Variants in OTUD3 observed in about 807,000 individuals in gnomAD.
The protein encoded by OTUD3 is OTU domain-containing protein 3.
OTUD3 carries 24 observed loss-of-function variants against 46.2 expected under a neutral mutation model. The ratio of observed to expected loss-of-function variants is 0.52; its 90% CI spans 0.38 to 0.73. The LOEUF (loss-of-function observed/expected upper bound fraction) is 0.73, where lower values mean the gene tolerates loss of function less well. OTUD3 is among the 30% of genes least tolerant of loss of function. The pLI is 0.00. For missense variants in OTUD3, 455 were observed against 523.3 expected (o/e 0.87, Z 1.27); for synonymous variants, 189 against 195.4 (o/e 0.97, Z 0.27).
intron 4 of OTUD3, 179 bp downstream of exon 4, chr1:19,897,841 T>G (rs758951347): frequency 9.6e-6 from 5 of 518,370 alleles, no homozygotes; most frequent in Non-Finnish European, 1.6e-5. Flanking sequence ...TAGATAAAAT[T>G]GCTTATTATT....
intron 4 of OTUD3, among the ~76,000 whole-genome samples, chr1:19,903,040 C>CTTTTTTTTTTTTTTTTTTTTTTTTTT (rs36114504): frequency 3.4e-5 from 2 of 58,050 alleles, no homozygotes; most frequent in Non-Finnish European, 6.2e-5. Context: ...AATCTTTTCT[C>CTTTTTTTTTTTTTTTTTTTTTTTTTT]TTTTTTTTTT....
chr1:19,897,502 C>G (rs1262319489), intron 3 of OTUD3, 38 bp from the exon 4 acceptor site: 1 of 1,610,240 alleles, frequency 6.2e-7, no homozygotes, highest in African/African-American at 1.3e-5. Flanking sequence ...TGATAGTGTT[C>G]AGATCCTCAC....
At chr1:19,887,097 T>C (rs12129834) in intron 1 of OTUD3, among the ~76,000 whole-genome samples, 39,144 of 147,424 alleles carry the variant, frequency 0.27, 5,059 homozygotes, top group Non-Finnish European at 0.33. Context: ...TTTTTTTTTT[T>C]TGGAGACATT....
At position 19,882,436 on chromosome 1, in the gene OTUD3, A is replaced by T; in HGVS notation, c.-78A>T. On this transcript the variant is annotated 5_prime_UTR_variant, in exon 1 of 8. Coordinates refer to ENST00000375120, the MANE Select transcript of OTUD3 (RefSeq NM_015207.2). ...CGGGCTCCGTTGCCCGCGCTGTTTT[A>T]CCTTCCCAACGCTTGAGGCGGACGC... The T allele has an allele frequency of 7.6e-7, 1 of 1,308,968 alleles. No individual in the cohort carries two copies. Among genetic ancestry groups the T allele is most frequent in the African/African-American group, 1.5e-5 (1 of 64,780 alleles). 81.1% of individuals were successfully genotyped at this position (1,308,968 alleles called of 1,614,324 possible).
intron 1 of OTUD3, among the ~76,000 whole-genome samples, chr1:19,884,573 G>A (rs2045328500): frequency 6.6e-6 from 1 of 152,130 alleles, no homozygotes; most frequent in East Asian, 1.9e-4. Flanking sequence ...GAAACCGAAA[G>A]AACTTTATAT....
At chr1:19,906,886 C>T in intron 7 of OTUD3, 1 of 273,674 alleles carries the variant, frequency 3.7e-6, no homozygotes, top group Non-Finnish European at 6.9e-6. Context: ...CATTACTGTA[C>T]ATGTGGGCTC....
intron 2 of OTUD3, among the ~76,000 whole-genome samples, chr1:19,893,002 G>A (rs763415632): frequency 5.3e-5 from 8 of 151,936 alleles, no homozygotes; most frequent in African/African-American, 7.3e-5. Flanking sequence ...CCATATTAGA[G>A]TTCTCTCTCT....
In OTUD3 at chr1:19,882,692, T is replaced by G. The variant is rs1433367698; in HGVS notation, c.179T>G (p.Leu60Arg). ...EEEFVSFANQ[L>R]QALGLKLREV... The stretch of plus-strand genomic sequence containing the variant: ...GAGTTCGTCAGCTTCGCCAACCAGC[T>G]GCAGGCCCTGGGGCTGAAGCTGCGG... Residue 60 changes from leucine to arginine, a missense_variant, in exon 1 of 8, where the codon CTG (leucine) becomes CGG (arginine). Coordinates refer to ENST00000375120, the MANE Select transcript of OTUD3 (RefSeq NM_015207.2). 6.9e-7 allele frequency: 1 copy of G among 1,452,442 alleles called. No homozygotes were observed. The highest frequency in any genetic ancestry group is 9.1e-7 in the Non-Finnish European group (1 of 1,103,914). 90.0% of individuals were successfully genotyped at this position (1,452,442 alleles called of 1,614,324 possible).
rs373018769 is a variant in OTUD3, at chr1:19,907,703, C to T, written c.1154C>T (p.Thr385Met). 8 of 1,614,118 alleles carry T rather than the reference C, an allele frequency of 5.0e-6. No homozygotes were observed. The Admixed American group carries it at 5.0e-5, about 10-fold the overall frequency. ...DNNRSEAEAN[T>M]QVTLVKTFAA... ...AACAGAAGCGAAGCAGAGGCGAACA[C>T]GCAGGTCACCTTGGTGAAGACCTTC... The change falls in exon 8 of 8, where the codon ACG (threonine) becomes ATG (methionine). Residue 385 changes from threonine to methionine, a missense_variant. Coordinates refer to ENST00000375120, the MANE Select transcript of OTUD3 (RefSeq NM_015207.2).
At chr1:19,902,432 C>T (rs188562446) in intron 4 of OTUD3, among the ~76,000 whole-genome samples, 2 of 152,270 alleles carry the variant, frequency 1.3e-5, no homozygotes, top group Admixed American at 6.5e-5. Context: ...GTCTCGATCT[C>T]CTGACCTCGT....
chr1:19,902,206 T>C (rs143515404), intron 4 of OTUD3, among the ~76,000 whole-genome samples: 11 of 152,252 alleles, frequency 7.2e-5, no homozygotes, highest in African/African-American at 2.6e-4. Context: ...CTAGTTAGTA[T>C]CTTAAAGTTT....
chr1:19,901,337 A>C (rs770911618), intron 4 of OTUD3, among the ~76,000 whole-genome samples: 3 of 152,172 alleles, frequency 2.0e-5, no homozygotes, highest in Non-Finnish European at 2.9e-5. Context: ...CATTTTCTTC[A>C]TATAGATCTT....
At chr1:19,905,552 C>T (rs887393081) in intron 6 of OTUD3, among the ~76,000 whole-genome samples, 2 of 151,624 alleles carry the variant, frequency 1.3e-5, no homozygotes, top group African/African-American at 4.9e-5. Context: ...ACCAGCCTGA[C>T]GAACATGGTG....
At position 19,912,264 on chromosome 1, in the gene OTUD3, G is replaced by C. The variant is rs973290321; in HGVS notation, c.*4518G>C. 1 of 152,332 alleles carries C rather than the reference G, an allele frequency of 6.6e-6. No individual in the cohort carries two copies. Among genetic ancestry groups the C allele is most frequent in the Non-Finnish European group, 1.5e-5 (1 of 68,060 alleles). The allele number at this position is 152,332 out of a possible 1,614,324, so 9.4% of individuals were successfully genotyped here. A position where few individuals can be genotyped will look rare whatever the true frequency, so the allele number is the denominator to read the frequency against. ...CTGCGGCAGGCTGCCAGCCATCCAT[G>C]ACAATCATGTGAGCTCAGCCACAGA... On this transcript the variant is annotated 3_prime_UTR_variant, in exon 8 of 8. Transcript: ENST00000375120.
intron 3 of OTUD3, among the ~76,000 whole-genome samples, chr1:19,896,779 G>C (rs933313727): frequency 6.6e-6 from 1 of 152,158 alleles, no homozygotes; most frequent in African/African-American, 2.4e-5. Context: ...TTTATTTGGG[G>C]TACGCCCAGA....
chr1:19,884,365 A>G (rs886468575), intron 1 of OTUD3, among the ~76,000 whole-genome samples: 1 of 152,110 alleles, frequency 6.6e-6, no homozygotes, highest in African/African-American at 2.4e-5. Flanking sequence ...TGGGGGTACT[A>G]CTTCTGCTCC....
At chr1:19,892,167 A>G (rs1372404947) in intron 2 of OTUD3, among the ~76,000 whole-genome samples, 1 of 152,176 alleles carries the variant, frequency 6.6e-6, no homozygotes, top group East Asian at 1.9e-4. Flanking sequence ...AAATGTCACT[A>G]TGCATGCCTG....
chr1:19,906,653 A>T (rs1267888475), intron 7 of OTUD3, 37 bp downstream of exon 7: 8 of 1,543,226 alleles, frequency 5.2e-6, no homozygotes, highest in African/African-American at 1.4e-5. Flanking sequence ...GGTGGTGGGC[A>T]GGTGTAATTC....
chr1:19,893,601 C>A (rs1354489139), intron 2 of OTUD3, among the ~76,000 whole-genome samples: 1 of 152,156 alleles, frequency 6.6e-6, no homozygotes, highest in Non-Finnish European at 1.5e-5. Context: ...CCCCTCTCAC[C>A]CTATCACCAC....
Sources: gnomAD v4.1 joint callset for allele counts (sites outside exome capture counted in the v4.1 genomes callset) on GRCh38, gnomAD v4.1.1 for gene constraint, MANE v1.5 for transcripts, NCBI Gene and HGNC (gene_info 2026-07-23, HGNC 2026-07-21) for gene names.